The following ZNF653 variants were observed in gnomAD, a reference collection of about 807,000 sequenced individuals.
ZNF653 encodes the protein 67 kDa zinc finger protein.
In ZNF653, 37 loss-of-function variants were observed where a neutral mutation model predicts 59.9. The ratio of observed to expected loss-of-function variants is 0.62; its 90% confidence interval spans 0.48 to 0.81. ZNF653 has a LOEUF of 0.81. Ranked by LOEUF, ZNF653 falls within the 40% of genes least tolerant of loss-of-function variation. The pLI is 0.00. For synonymous variants in ZNF653, 435 were observed against 371.8 expected, an observed-to-expected ratio of 1.17 and a Z score of -1.96; for missense variants, 808 against 881.1, an observed-to-expected ratio of 0.92 and a Z score of 1.05.
rs1383251843 is a variant in ZNF653, at chr19:11,496,026, T to G, written c.483A>C (p.Glu161Asp). Residue 161 changes from glutamate (E) to aspartate (D), a missense_variant, in exon 3 of 9, where the codon GAA (glutamate) becomes GAC (aspartate). Coordinates refer to ENST00000293771, the MANE Select transcript of ZNF653 (RefSeq NM_138783.4). Reference protein sequence around the residue: ...GLYTTAVWQCEAGHRYFQDLH... With the variant: ...GLYTTAVWQCDAGHRYFQDLH... ...GGTCCTGGAAGTAGCGGTGGCCAGC[T>G]TCGCACTGCCACACGGCCGTGGTGT... 1 of 1,614,158 alleles carries G rather than the reference T, an allele frequency of 6.2e-7. No individual in the cohort carries two copies. Among genetic ancestry groups the G allele is most frequent in the Non-Finnish European group, 8.5e-7 (1 of 1,180,014 alleles).
rs1282935169 is a variant in ZNF653 at position 11,483,560 on chromosome 19, G to C, written c.*122C>G. Reference sequence around the variant, plus strand: ...GCCCAGGGGGCCCAGCTCTGGGGCGGGGCGGGGGCGCCTCCTTCCGGCCCG... The same window carrying C: ...GCCCAGGGGGCCCAGCTCTGGGGCGCGGCGGGGGCGCCTCCTTCCGGCCCG... On this transcript the variant is annotated 3_prime_UTR_variant, in exon 9 of 9. Coordinates refer to ENST00000293771, the MANE Select transcript of ZNF653 (RefSeq NM_138783.4). The C allele has an allele frequency of 2.1e-6, 3 of 1,434,746 alleles. No individual in the cohort carries two copies. The highest frequency in any genetic ancestry group is 2.7e-6 in the Non-Finnish European group (3 of 1,091,102). The allele number at this position is 1,434,746 out of a possible 1,614,324, so 88.9% of individuals were successfully genotyped here.
intron 7 of ZNF653, 150 bp downstream of exon 7, chr19:11,485,506 G>T (rs998316494): frequency 1.6e-5 from 10 of 608,870 alleles, no homozygotes; most frequent in Admixed American, 8.7e-5. Context: ...CATAGCTACA[G>T]CTTACTGAGG....
chr19:11,492,736 C>G (rs1003981289), intron 3 of ZNF653, among the ~76,000 whole-genome samples: 7 of 152,160 alleles, frequency 4.6e-5, no homozygotes, highest in Non-Finnish European at 8.8e-5. Flanking sequence ...CGGTGCAGAG[C>G]CCCCAGTGCC....
Position 11,505,616 on chromosome 19 carries a change from CACGTCGT to C in ZNF653, c.164_170del (p.Tyr55CysfsTer64). 6.6e-7 allele frequency: 1 copy of C among 1,504,508 alleles called. No individual in the cohort carries two copies. The highest frequency in any genetic ancestry group is 8.8e-7 in the Non-Finnish European group (1 of 1,133,770). The allele number at this position is 1,504,508 out of a possible 1,614,324, so 93.2% of individuals were successfully genotyped here. A position where few individuals can be genotyped will look rare whatever the true frequency, so the allele number is the denominator to read the frequency against. On this transcript the variant is annotated frameshift_variant, in exon 1 of 9. Transcript: ENST00000293771. LOFTEE classifies it high-confidence loss of function. ...GCGCCTCGCCCAGGTACACGCGCCG[CACGTCGT>C]ACTTCTTCCGGGACTCGAGCCGTCG...
chr19:11,505,713 T>C lies in ZNF653; in HGVS notation c.74A>G (p.Glu25Gly). The C allele has an allele frequency of 6.8e-7, 1 of 1,479,596 alleles. No individual in the cohort carries two copies. The highest frequency in any genetic ancestry group is 1.3e-5 in the South Asian group (1 of 77,626). The allele number at this position is 1,479,596 out of a possible 1,614,324, so 91.7% of individuals were successfully genotyped here. ...CGCCTTTCGGCCCGCTGCGCCCTCC[T>C]CGGCTGCTGCCTCCCCGCCCGCGCC... is the stretch of plus-strand genomic sequence containing the variant. Reference protein sequence around the residue: ...EAGAGGEAAAEEGAAGRKARG... With the variant: ...EAGAGGEAAAGEGAAGRKARG... The change falls in exon 1 of 9, where the codon GAG becomes GGG. Residue 25 changes from glutamate to glycine, a missense_variant. By Grantham distance (98) the Glu-to-Gly change is moderately conservative (BLOSUM62 -2). Transcript: ENST00000293771.
At chr19:11,485,381 C>A (rs1218325573) in intron 7 of ZNF653, among the ~76,000 whole-genome samples, 1 of 152,108 alleles carries the variant, frequency 6.6e-6, no homozygotes, top group Non-Finnish European at 1.5e-5. Context: ...CTAAGTCTCG[C>A]ATGAGACCTG....
At chr19:11,498,266 C>T (rs1485950345) in intron 2 of ZNF653, 30 bp downstream of exon 2, 2 of 1,613,732 alleles carry the variant, frequency 1.2e-6, no homozygotes, top group African/African-American at 1.3e-5. Context: ...CCAACTCTCC[C>T]CACCTCCCCC....
In ZNF653 at chr19:11,495,746, T is replaced by A; in HGVS notation, c.559+204A>T. On this transcript the variant is annotated intron_variant, in intron 3 of 8. Transcript: ENST00000293771. This position sits in a 1 kb window ranked among gnomAD's most constrained non-coding sequence, Gnocchi z 4.9. The stretch of plus-strand genomic sequence containing the variant: ...AACTGCTCCATAAAGAGGGACTGCC[T>A]CCCCACTCAAGCTCTGTAAGGACGC... The A allele has an allele frequency of 1.7e-6, 1 of 592,366 alleles. No homozygotes were observed. The highest frequency in any genetic ancestry group is 2.9e-5 in the East Asian group (1 of 34,894). 36.7% of individuals were successfully genotyped at this position (592,366 alleles called of 1,614,324 possible).
chr19:11,503,787 C>CA (rs1391134977), intron 1 of ZNF653, among the ~76,000 whole-genome samples: 1 of 151,804 alleles, frequency 6.6e-6, no homozygotes, highest in African/African-American at 2.4e-5. Flanking sequence ...GCCTGGGTGA[C>CA]AAAGTGAGAC....
At chr19:11,501,004 G>A (rs138416443) in intron 1 of ZNF653, among the ~76,000 whole-genome samples, 1 of 152,162 alleles carries the variant, frequency 6.6e-6, no homozygotes, top group Non-Finnish European at 1.5e-5. Flanking sequence ...AGAGGCCACT[G>A]GCATCAAGGA....
At position 11,505,555 on chromosome 19, in the gene ZNF653, A is replaced by G; in HGVS notation, c.232T>C (p.Trp78Arg). 1 of 1,513,926 alleles carries G rather than the reference A, an allele frequency of 6.6e-7. No homozygotes were observed. Among genetic ancestry groups the G allele is most frequent in the Non-Finnish European group, 8.8e-7 (1 of 1,141,858 alleles). The allele number at this position is 1,513,926 out of a possible 1,614,324, so 93.8% of individuals were successfully genotyped here. ...PWVDLRRRSG[W>R]SDAKLAAYLI... ...TAGGCGGCGAGCTTGGCGTCGCTCC[A>G]GCCGCTGCGGCGCCGCAGGTCCACC... Residue 78 changes from tryptophan (W) to arginine (R), a missense_variant, in exon 1 of 9, where the codon TGG (tryptophan) becomes CGG (arginine). Transcript: ENST00000293771.
intron 1 of ZNF653, among the ~76,000 whole-genome samples, chr19:11,503,433 C>T (rs939080307): frequency 2.0e-5 from 3 of 152,204 alleles, no homozygotes; most frequent in African/African-American, 7.2e-5. Flanking sequence ...CCAACTCACA[C>T]TCTTCATTTC....
intron 2 of ZNF653, among the ~76,000 whole-genome samples, chr19:11,496,962 C>T (rs564056987): frequency 1.3e-5 from 2 of 152,360 alleles, no homozygotes; most frequent in African/African-American, 4.8e-5. Flanking sequence ...CACTCCACTC[C>T]AGCCACATGG....
At chr19:11,492,219 A>C (rs1258371116) in intron 3 of ZNF653, among the ~76,000 whole-genome samples, 4 of 151,440 alleles carry the variant, frequency 2.6e-5, no homozygotes, top group Non-Finnish European at 5.9e-5. Flanking sequence ...GCCAATTTTT[A>C]TATTTTTAGT....
At chr19:11,483,969 A>G (rs1812315620) in intron 8 of ZNF653, 73 bp downstream of exon 8, 2 of 1,527,582 alleles carry the variant, frequency 1.3e-6, no homozygotes, top group Non-Finnish European at 1.8e-6. Flanking sequence ...CGTTGGGGCG[A>G]AGCCGCCCCT....
intron 3 of ZNF653, among the ~76,000 whole-genome samples, chr19:11,494,667 G>A (rs1366859369): frequency 2.6e-5 from 4 of 152,178 alleles, no homozygotes; most frequent in South Asian, 4.1e-4. Flanking sequence ...CAGCCTGGGC[G>A]ACAAGAGCGA....
rs372958294 is a variant in ZNF653 at position 11,487,076 on chromosome 19, G to A, written c.1254C>T (p.Ser418=). The stretch of plus-strand genomic sequence containing the variant: ...CGTCCGCCTCTGCCTCAGGCTCTGC[G>A]CTCTCAGGCACCGTTGTTGCCAGCT... ...APELATTVPE[S]AEPEAEADGE... The change falls in exon 5 of 9, where the codon AGC becomes AGT. Residue 418 remains serine, a synonymous_variant. Coordinates refer to ENST00000293771, the MANE Select transcript of ZNF653 (RefSeq NM_138783.4). This position sits in a 1 kb window ranked among gnomAD's most constrained non-coding sequence, Gnocchi z 5.1. 2.3e-5 allele frequency: 37 copies of A among 1,613,884 alleles called. No homozygotes were observed. The highest frequency in any genetic ancestry group is 9.9e-5 in the South Asian group (9 of 91,092).
chr19:11,502,133 C>T (rs1285538479), intron 1 of ZNF653, among the ~76,000 whole-genome samples: 1 of 151,472 alleles, frequency 6.6e-6, no homozygotes, highest in Non-Finnish European at 1.5e-5. Context: ...GCTCTATTGC[C>T]CAGGCTGGAG....
At chr19:11,494,351 ACAT>A (rs1971560480) in intron 3 of ZNF653, among the ~76,000 whole-genome samples, 1 of 147,608 alleles carries the variant, frequency 6.8e-6, no homozygotes, top group Non-Finnish European at 1.5e-5. Flanking sequence ...ACATAACATA[ACAT>A]AACATAACAT....
Sources: allele counts gnomAD v4.1 joint callset (sites outside exome capture counted in the v4.1 genomes callset), GRCh38; gene constraint gnomAD v4.1.1; non-coding constraint Gnocchi (gnomAD v3.1); transcripts MANE v1.5; gene names NCBI Gene and HGNC (gene_info 2026-07-23, HGNC 2026-07-21).